The following VPS25 variants were observed in gnomAD, a reference collection of about 807,000 sequenced individuals.
VPS25 encodes vacuolar protein-sorting-associated protein 25.
In VPS25, 21 loss-of-function variants were observed where a neutral mutation model predicts 30.3. The ratio of observed to expected loss-of-function variants is 0.69; its 90% CI spans 0.49 to 1.00. VPS25 has a LOEUF of 1.00. Ranked by LOEUF, VPS25 falls within the 50% of genes least tolerant of loss-of-function variation. VPS25 has a pLI of 0.00. For missense variants in VPS25, 156 were observed against 217.2 expected (o/e 0.72, Z 1.77); for synonymous variants, 101 against 88.1 (o/e 1.15, Z -0.82).
At chr17:42,774,119 T>A in intron 2 of VPS25, 1 of 433,212 alleles carries the variant, frequency 2.3e-6, no homozygotes, top group Non-Finnish European at 4.0e-6. Context: ...ATTTCTGCCC[T>A]GAAGCCAAGT....
At chr17:42,776,561 A>C (rs1343472051) in intron 5 of VPS25, among the ~76,000 whole-genome samples, 1 of 151,336 alleles carries the variant, frequency 6.6e-6, no homozygotes, top group Non-Finnish European at 1.5e-5. Flanking sequence ...ATGGGGTTTC[A>C]CCATGTTAGC....
chr17:42,779,224 AC>A lies in VPS25; in HGVS notation c.*159del, dbSNP rs1370101470. ...TGGGACCTGGGGATGGGTTTCTCAC[AC>A]CCCATATGTCTGTCCCTTGGATAGG... On this transcript the variant is annotated 3_prime_UTR_variant, in exon 6 of 6. Coordinates refer to ENST00000253794, the MANE Select transcript of VPS25 (RefSeq NM_032353.4). The A allele has an allele frequency of 9.3e-6, 6 of 642,196 alleles. No homozygotes were observed. The highest frequency in any genetic ancestry group is 1.6e-5 in the Non-Finnish European group (6 of 364,636). The allele number at this position is 642,196 out of a possible 1,614,324, so 39.8% of individuals were successfully genotyped here. A position where few individuals can be genotyped will look rare whatever the true frequency, so the allele number is the denominator to read the frequency against.
At chr17:42,774,049 A>C (rs918908097) in intron 2 of VPS25, 171 bp downstream of exon 2, 1 of 740,480 alleles carries the variant, frequency 1.4e-6, no homozygotes, top group Non-Finnish European at 2.1e-6. Context: ...TGGCAAATGC[A>C]GTACCATACC....
chr17:42,775,547 G>T (rs889078650), intron 4 of VPS25, 78 bp downstream of exon 4: 1 of 1,228,442 alleles, frequency 8.1e-7, no homozygotes, highest in Non-Finnish European at 1.2e-6. Flanking sequence ...GCAGATAGCC[G>T]GTGTTCCCAG....
In VPS25 at chr17:42,776,589, C is replaced by T. The variant is rs149243123; in HGVS notation, c.418+269C>T. Among the ~76,000 whole-genome samples, 506 of 151,654 alleles carry T rather than the reference C, an allele frequency of 3.3e-3. 2 individuals carry two copies. Among genetic ancestry groups the T allele is most frequent in the Non-Finnish European group, 5.5e-3 (374 of 67,956 alleles). ...ATGTTAGCCAGGTTGTTCTTAAACT[C>T]CTAACCTCGTGATCCGCCTGCCTTG... On this transcript the variant is annotated intron_variant, in intron 5 of 5. Coordinates refer to ENST00000253794, the MANE Select transcript of VPS25 (RefSeq NM_032353.4).
chr17:42,776,192 G>C (rs2054434350), intron 4 of VPS25, 53 bp from the exon 5 acceptor site: 1 of 1,500,128 alleles, frequency 6.7e-7, no homozygotes, highest in Non-Finnish European at 9.2e-7. Flanking sequence ...TGAATTTACT[G>C]TCTCCCAGGA....
intron 2 of VPS25, chr17:42,774,228 G>GC (rs753957406): frequency 3.7e-6 from 1 of 269,030 alleles, no homozygotes; most frequent in Admixed American, 5.1e-5. Flanking sequence ...TATTTTCTCT[G>GC]CCCCCCTCCT....
In VPS25 at chr17:42,773,884, C is replaced by G; in HGVS notation, c.199+6C>G. On this transcript the variant is annotated splice_donor_region_variant and intron_variant, in intron 2 of 5. Coordinates refer to ENST00000253794, the MANE Select transcript of VPS25 (RefSeq NM_032353.4). ...CAACAACGTCAAGCTACAGCGTATCCTCCCTCAGGCTCTTCCACAGCCCAT... is the reference window on the plus strand; with the variant it reads ...CAACAACGTCAAGCTACAGCGTATCGTCCCTCAGGCTCTTCCACAGCCCAT... The G allele has an allele frequency of 6.2e-7, 1 of 1,611,204 alleles. No homozygotes were observed. Among genetic ancestry groups the G allele is most frequent in the East Asian group, 2.2e-5 (1 of 44,878 alleles).
chr17:42,774,770 T>G, intron 3 of VPS25, 71 bp downstream of exon 3: 3 of 1,397,296 alleles, frequency 2.1e-6, no homozygotes, highest in Non-Finnish European at 3.0e-6. Context: ...TTAGGATAAG[T>G]CTTTTTCCCT....
rs747580805 is a variant in VPS25 at position 42,773,900 on chromosome 17, C to T, written c.199+22C>T. The T allele has an allele frequency of 1.9e-6, 3 of 1,607,720 alleles. No individual in the cohort carries two copies. In the East Asian group the frequency reaches 6.7e-5, roughly 36 times the overall value. On this transcript the variant is annotated intron_variant, in intron 2 of 5. Coordinates refer to ENST00000253794, the MANE Select transcript of VPS25 (RefSeq NM_032353.4). ...CAGCGTATCCTCCCTCAGGCTCTTC[C>T]ACAGCCCATACACATGCACTTCTGC...
chr17:42,779,070 C>G lies in VPS25; in HGVS notation c.*1C>G, dbSNP rs755684971. On this transcript the variant is annotated 3_prime_UTR_variant, in exon 6 of 6. Transcript: ENST00000253794. ...TGGCCGAGGCGTCAAGTTCTTCTAG[C>G]AGGGACCTGTCTCCCTTTACTTCTT... 3.1e-6 allele frequency: 5 copies of G among 1,613,156 alleles called. No individual in the cohort carries two copies. In the Admixed American group the frequency reaches 8.3e-5, roughly 27 times the overall value.
intron 3 of VPS25, 194 bp from the exon 4 acceptor site, chr17:42,775,187 G>T (rs753107866): frequency 1.8e-6 from 1 of 541,826 alleles, no homozygotes. Flanking sequence ...GAGACCTCAG[G>T]CATGTGTCAC....
At position 42,773,879 on chromosome 17, in the gene VPS25, G is replaced by C. The variant is rs748365949; in HGVS notation, c.199+1G>C. The C allele has an allele frequency of 6.2e-7, 1 of 1,612,156 alleles. No homozygotes were observed. Among genetic ancestry groups the C allele is most frequent in the South Asian group, 1.1e-5 (1 of 91,048 alleles). ...CTCTTCAACAACGTCAAGCTACAGCGTATCCTCCCTCAGGCTCTTCCACAG... is the reference window on the plus strand; with the variant it reads ...CTCTTCAACAACGTCAAGCTACAGCCTATCCTCCCTCAGGCTCTTCCACAG... On this transcript the variant is annotated splice_donor_variant, in intron 2 of 5. Transcript: ENST00000253794. LOFTEE classifies it high-confidence loss of function.
intron 3 of VPS25, 54 bp downstream of exon 3, chr17:42,774,753 G>C (rs978452666): frequency 5.3e-6 from 8 of 1,498,180 alleles, no homozygotes; most frequent in Admixed American, 1.7e-5. Context: ...GTTTTCCTGA[G>C]GGCAAATTAG....
At chr17:42,776,931 A>G (rs2054439897) in intron 5 of VPS25, among the ~76,000 whole-genome samples, 1 of 152,230 alleles carries the variant, frequency 6.6e-6, no homozygotes, top group South Asian at 2.1e-4. Flanking sequence ...TAAGAATTTC[A>G]CTTTCAGCTG....
chr17:42,774,066 T>C, intron 2 of VPS25, 188 bp downstream of exon 2: 1 of 650,042 alleles, frequency 1.5e-6, no homozygotes, highest in Non-Finnish European at 2.5e-6. Context: ...TACCCTCTTG[T>C]TCTTGGCAGT....
intron 2 of VPS25, 93 bp downstream of exon 2, chr17:42,773,971 C>T (rs901067513): frequency 2.1e-5 from 30 of 1,457,734 alleles, no homozygotes; most frequent in Middle Eastern, 1.8e-4. Context: ...CCCCCTTTTA[C>T]CCATGGTAGG....
rs548903366 is a variant in VPS25, at chr17:42,777,500, C to T, written c.418+1180C>T. Among the ~76,000 whole-genome samples, 7 of 152,194 alleles carry T rather than the reference C, an allele frequency of 4.6e-5. No individual in the cohort carries two copies. In the South Asian group the frequency reaches 1.2e-3, roughly 27 times the overall value. On this transcript the variant is annotated intron_variant, in intron 5 of 5. Coordinates refer to ENST00000253794, the MANE Select transcript of VPS25 (RefSeq NM_032353.4). ...CTGCACTCTAGTCTGGATGACAGAG[C>T]GAGACTCCGTCTCAGAAAATAAAAA...
In VPS25 at chr17:42,775,745, T is replaced by C. The variant is rs72826972; in HGVS notation, c.342+276T>C. On this transcript the variant is annotated intron_variant, in intron 4 of 5. Coordinates refer to ENST00000253794, the MANE Select transcript of VPS25 (RefSeq NM_032353.4). ...GGGAACCCTGAGTGCTATTGTTGGC[T>C]GGAGCCTCTGGCCACAGGAGATAAA... 1.5e-3 allele frequency among the ~76,000 whole-genome samples: 228 copies of C among 152,298 alleles called. 1 individual carries two copies. Among genetic ancestry groups the C allele is most frequent in the Non-Finnish European group, 2.6e-3 (176 of 68,026 alleles).
Sources: gnomAD v4.1 joint callset for allele counts (sites outside exome capture counted in the v4.1 genomes callset) on GRCh38, gnomAD v4.1.1 for gene constraint, MANE v1.5 for transcripts, NCBI Gene and HGNC (gene_info 2026-07-23, HGNC 2026-07-21) for gene names.